DPH7: variants seen among roughly 807,000 people sequenced by gnomAD.
DPH7 encodes diphthamide biosynthesis 7, also known as diphthine methyltransferase.
A neutral mutation model predicts 41.7 loss-of-function variants in DPH7; 44 were observed. That is an observed-to-expected ratio of 1.05 (90% confidence interval 0.83 to 1.36). DPH7 has a LOEUF of 1.36. Among genes scored for constraint, DPH7 ranks in the 40% most tolerant of loss-of-function variants. The pLI is 0.00. For synonymous variants in DPH7, 275 were observed against 238.0 expected (o/e 1.16, Z -1.43); for missense variants, 629 against 577.5 (o/e 1.09, Z -0.91).
intron 2 of DPH7, among the ~76,000 whole-genome samples, chr9:137,577,170 A>T (rs1178952473): frequency 1.3e-5 from 2 of 152,218 alleles, no homozygotes; most frequent in African/African-American, 4.8e-5. Flanking sequence ...TAATTATGCC[A>T]CACACCACTG....
chr9:137,568,473 G>T (rs1411943251), intron 5 of DPH7, among the ~76,000 whole-genome samples: 1 of 73,776 alleles, frequency 1.4e-5, no homozygotes, highest in East Asian at 3.8e-4. Context: ...GACTCTGTCT[G>T]TGAGGAAGCT....
At chr9:137,559,027 T>C (rs1776773) in intron 8 of DPH7, among the ~76,000 whole-genome samples, 45,523 of 152,178 alleles carry the variant, frequency 0.3, 7,943 homozygotes, top group African/African-American at 0.48. Context: ...ACCGAGGACA[T>C]GAGCTGTTCC....
At chr9:137,575,728 T>A (rs1292740526) in intron 3 of DPH7, 1 of 1,070,854 alleles carries the variant, frequency 9.3e-7, no homozygotes, top group East Asian at 6.3e-5. Context: ...CAATAATCAG[T>A]GAGAAATGCC....
At chr9:137,570,767 C>T (rs1201192807) in intron 5 of DPH7, among the ~76,000 whole-genome samples, 1 of 152,172 alleles carries the variant, frequency 6.6e-6, no homozygotes, top group Non-Finnish European at 1.5e-5. Context: ...TCTGCCATAG[C>T]AGGGCCACTC....
intron 3 of DPH7, chr9:137,575,162 A>G: frequency 9.3e-7 from 1 of 1,075,730 alleles, no homozygotes; most frequent in Non-Finnish European, 1.1e-6. Flanking sequence ...ATGCCTGTGC[A>G]GGCTCCAGAC....
chr9:137,575,340 A>C (rs1841195850), intron 3 of DPH7: 1 of 987,316 alleles, frequency 1.0e-6, no homozygotes. Flanking sequence ...TTCATTTCCT[A>C]AACAGCCTGG....
At chr9:137,569,993 C>A (rs1360066793) in intron 5 of DPH7, among the ~76,000 whole-genome samples, 1 of 150,618 alleles carries the variant, frequency 6.6e-6, no homozygotes, top group Non-Finnish European at 1.5e-5. Context: ...TCCATCCATC[C>A]AGTCACCCAC....
intron 8 of DPH7, 29 bp from the exon 9 acceptor site, chr9:137,555,677 A>T: frequency 6.4e-7 from 1 of 1,555,022 alleles, no homozygotes; most frequent in Admixed American, 1.8e-5. Context: ...GAACCCAGGA[A>T]ACACAACATC....
chr9:137,562,915 C>T lies in DPH7; in HGVS notation c.949+1519G>A, dbSNP rs145060497. ...CCAGGAAGCAGAGGTTGCAGTGAGACGAGATCACACCACTGTACACCATTC... is the reference window on the plus strand; with the variant it reads ...CCAGGAAGCAGAGGTTGCAGTGAGATGAGATCACACCACTGTACACCATTC... On this transcript the variant is annotated intron_variant, in intron 8 of 8. Transcript: ENST00000277540. 9.1e-3 allele frequency among the ~76,000 whole-genome samples: 1,387 copies of T among 151,886 alleles called. 11 individuals carry two copies. Among genetic ancestry groups the T allele is most frequent in the Middle Eastern group, 0.031 (9 of 294 alleles).
At chr9:137,577,048 T>C (rs1841534406) in intron 2 of DPH7, among the ~76,000 whole-genome samples, 1 of 101,952 alleles carries the variant, frequency 9.8e-6, no homozygotes, top group Non-Finnish European at 1.9e-5. Flanking sequence ...AACAAAACCC[T>C]GCCTCAAAAA....
At chr9:137,564,289 G>A in intron 8 of DPH7, 145 bp downstream of exon 8, 2 of 989,916 alleles carry the variant, frequency 2.0e-6, no homozygotes, top group Non-Finnish European at 2.9e-6. Flanking sequence ...CCAAGTCTAG[G>A]GCGCGACGCT....
At chr9:137,575,803 G>A (rs1841280935) in intron 3 of DPH7, 22 of 1,242,662 alleles carry the variant, frequency 1.8e-5, no homozygotes, top group Non-Finnish European at 2.2e-5. Flanking sequence ...GCTTGCCCAG[G>A]CTCTCCTTAG....
chr9:137,577,750 T>A, intron 1 of DPH7, 147 bp from the exon 2 acceptor site: 1 of 1,107,408 alleles, frequency 9.0e-7, no homozygotes, highest in Non-Finnish European at 1.3e-6. Flanking sequence ...TTTTCTGAGC[T>A]GGAGAAACGT....
chr9:137,574,461 A>T (rs1236047071), intron 4 of DPH7, 81 bp from the exon 5 acceptor site: 5 of 1,467,588 alleles, frequency 3.4e-6, no homozygotes, highest in Non-Finnish European at 4.7e-6. Context: ...GTCCTGAGAG[A>T]CGGTCTCCAC....
At chr9:137,577,935 G>C (rs1841712892) in intron 1 of DPH7, 1 of 981,976 alleles carries the variant, frequency 1.0e-6, no homozygotes, top group East Asian at 1.1e-4. Flanking sequence ...CCCACCAGAA[G>C]TTAAGATATA....
rs563317624 is a variant in DPH7 at position 137,554,900 on chromosome 9, C to T, written c.*339G>A. ...GTTCATTTTAAACATGTTATAAACTCGTGTTTTTCAAAAAACTTCATTTAA... is the reference window on the plus strand; with the variant it reads ...GTTCATTTTAAACATGTTATAAACTTGTGTTTTTCAAAAAACTTCATTTAA... On this transcript the variant is annotated 3_prime_UTR_variant, in exon 9 of 9. Transcript: ENST00000277540. 4.7e-5 allele frequency: 11 copies of T among 232,652 alleles called. No homozygotes were observed. The highest frequency in any genetic ancestry group is 9.0e-5 in the African/African-American group (4 of 44,384). 14.4% of individuals were successfully genotyped at this position (232,652 alleles called of 1,614,324 possible).
At position 137,574,207 on chromosome 9, in the gene DPH7, C is replaced by A. The variant is rs1261538235; in HGVS notation, c.640+1G>T. On this transcript the variant is annotated splice_donor_variant, in intron 5 of 8. Coordinates refer to ENST00000277540, the MANE Select transcript of DPH7 (RefSeq NM_138778.5). LOFTEE classifies it high-confidence loss of function. ...GAGGTGACCGGTGGAGGAATACTGACCTGAATACACAATTTCTGGATGCCA... is the reference window on the plus strand; with the variant it reads ...GAGGTGACCGGTGGAGGAATACTGAACTGAATACACAATTTCTGGATGCCA... 6.2e-7 allele frequency: 1 copy of A among 1,613,934 alleles called. No homozygotes were observed. The highest frequency in any genetic ancestry group is 8.5e-7 in the Non-Finnish European group (1 of 1,179,918).
At chr9:137,577,206 G>A (rs996784658) in intron 2 of DPH7, among the ~76,000 whole-genome samples, 1 of 152,112 alleles carries the variant, frequency 6.6e-6, no homozygotes, top group Non-Finnish European at 1.5e-5. Context: ...TCCAAAAGTG[G>A]GCTAGAGCCT....
intron 2 of DPH7, among the ~76,000 whole-genome samples, chr9:137,576,700 T>C (rs931821818): frequency 2.0e-5 from 3 of 152,042 alleles, no homozygotes; most frequent in Non-Finnish European, 2.9e-5. Flanking sequence ...ACCATCCTAA[T>C]AACATGGTGA....
Sources: allele counts gnomAD v4.1 joint callset (sites outside exome capture counted in the v4.1 genomes callset), GRCh38; gene constraint gnomAD v4.1.1; transcripts MANE v1.5; gene names NCBI Gene and HGNC (gene_info 2026-07-23, HGNC 2026-07-21).